EBF4: variants seen among roughly 807,000 people sequenced by gnomAD.
The protein encoded by EBF4 is transcription factor COE4.
A neutral mutation model predicts 67.1 loss-of-function variants in EBF4; 34 were observed. The observed-to-expected ratio is 0.51, with a 90% CI of 0.39 to 0.67. The LOEUF is 0.67. EBF4 is among the 30% of genes least tolerant of loss of function. The pLI is 0.00. For missense variants in EBF4, 837 were observed against 873.3 expected, an observed-to-expected ratio of 0.96 and a Z score of 0.52; for synonymous variants, 387 against 377.7, an observed-to-expected ratio of 1.02 and a Z score of -0.29.
chr20:2,751,587 G>C lies in EBF4; in HGVS notation c.1019-113G>C, dbSNP rs995730747. 2.4e-5 allele frequency: 26 copies of C among 1,071,468 alleles called. No individual in the cohort carries two copies. Among genetic ancestry groups the C allele is most frequent in the Non-Finnish European group, 3.2e-5 (23 of 724,682 alleles). 66.4% of individuals were successfully genotyped at this position (1,071,468 alleles called of 1,614,324 possible). ...ACTTGGGCTGGGCCTGGTGGAGGGG[G>C]CTGCAGCGAGGCTCTCGGACTGGGC... On this transcript the variant is annotated intron_variant, in intron 10 of 16. Coordinates refer to ENST00000609451, the Ensembl canonical transcript of EBF4. The surrounding 1 kb of genome is among the most constrained non-coding windows in gnomAD (Gnocchi z 5.2).
intron 1 of EBF4, among the ~76,000 whole-genome samples, chr20:2,701,370 C>G (rs1228102058): frequency 6.6e-6 from 1 of 152,200 alleles, no homozygotes. Flanking sequence ...CTGTCTTCCC[C>G]CCTCCCAGGT....
chr20:2,755,608 TCCCCGCCCCG>T lies in EBF4; in HGVS notation c.1541-13_1541-4del. 3.6e-6 allele frequency: 2 copies of T among 559,482 alleles called. No homozygotes were observed. The highest frequency in any genetic ancestry group is 1.8e-5 in the South Asian group (1 of 56,836). 34.7% of individuals were successfully genotyped at this position (559,482 alleles called of 1,614,324 possible). On this transcript the variant is annotated splice_polypyrimidine_tract_variant and intron_variant, in intron 14 of 16. Coordinates refer to ENST00000609451, the Ensembl canonical transcript of EBF4. This position sits in a 1 kb window ranked among gnomAD's most constrained non-coding sequence, Gnocchi z 4.7. ...CCACCTTCCCTGCTGCGCCTGCCCC[TCCCCGCCCCG>T]CCCCGGAGTCATGCCCTCTAGCCCC...
At position 2,707,175 on chromosome 20, in the gene EBF4, A is replaced by G. The variant is rs1341197415; in HGVS notation, c.415-772A>G. Among the ~76,000 whole-genome samples, 1 of 152,116 alleles carries G rather than the reference A, an allele frequency of 6.6e-6. No homozygotes were observed. The highest frequency in any genetic ancestry group is 2.1e-4 in the South Asian group (1 of 4,824). On this transcript the variant is annotated intron_variant, in intron 4 of 16. Coordinates refer to ENST00000609451, the Ensembl canonical transcript of EBF4. This position sits in a 1 kb window ranked among gnomAD's most constrained non-coding sequence, Gnocchi z 4.6. Reference sequence around the variant, plus strand: ...AGAATGGTTTGTTTCTAGAATACCCATGGCCACTGGGCTGGGGGAGGCAGG... The same window carrying G: ...AGAATGGTTTGTTTCTAGAATACCCGTGGCCACTGGGCTGGGGGAGGCAGG...
chr20:2,701,791 G>A (rs1011105373), intron 1 of EBF4, among the ~76,000 whole-genome samples: 7 of 152,236 alleles, frequency 4.6e-5, no homozygotes, highest in African/African-American at 1.7e-4. Context: ...AGGGACCTGG[G>A]AGTGCTTCAC....
chr20:2,720,634 G>A (rs998714639), intron 6 of EBF4, among the ~76,000 whole-genome samples: 4 of 151,812 alleles, frequency 2.6e-5, no homozygotes, highest in Admixed American at 6.6e-5. Flanking sequence ...TTATTTTTAC[G>A]TGTTATAAAA....
At chr20:2,728,668 C>G (rs2087775305) in intron 6 of EBF4, among the ~76,000 whole-genome samples, 1 of 152,122 alleles carries the variant, frequency 6.6e-6, no homozygotes, top group Non-Finnish European at 1.5e-5. Context: ...CCTCTGATGG[C>G]CTTTTGTGAT....
chr20:2,750,614 C>T (rs555445515), intron 10 of EBF4, among the ~76,000 whole-genome samples: 5 of 152,168 alleles, frequency 3.3e-5, no homozygotes, highest in Non-Finnish European at 7.4e-5. Flanking sequence ...TCCCCACCAT[C>T]GCGCAGCCCC....
chr20:2,698,396 C>T (rs930357489), intron 1 of EBF4, among the ~76,000 whole-genome samples: 1 of 152,232 alleles, frequency 6.6e-6, no homozygotes, highest in African/African-American at 2.4e-5. Flanking sequence ...TTTTATCTTC[C>T]CCAGTCTGCA....
intron 6 of EBF4, among the ~76,000 whole-genome samples, chr20:2,728,553 C>T (rs577968751): frequency 7.9e-5 from 12 of 152,194 alleles, no homozygotes; most frequent in Non-Finnish European, 1.5e-4. Context: ...CAAGGTGTTC[C>T]TAGGTGACAC....
chr20:2,749,998 A>G (rs2088117237), intron 10 of EBF4, 25 bp downstream of exon 10: 1 of 1,535,140 alleles, frequency 6.5e-7, no homozygotes. Context: ...GGGGGAGTGG[A>G]GGTCTAAGGT....
chr20:2,731,854 T>C (rs1028750403), intron 6 of EBF4, among the ~76,000 whole-genome samples: 1 of 152,180 alleles, frequency 6.6e-6, no homozygotes, highest in African/African-American at 2.4e-5. Flanking sequence ...CGTGAATTCT[T>C]AGGAATAGAG....
intron 6 of EBF4, among the ~76,000 whole-genome samples, chr20:2,717,458 T>A (rs2087625200): frequency 6.6e-6 from 1 of 152,194 alleles, no homozygotes; most frequent in Admixed American, 6.5e-5. Context: ...TTAAGCCAAA[T>A]TGAGAAAGTG....
At position 2,749,563 on chromosome 20, in the gene EBF4, C is replaced by A. The variant is rs1036673826; in HGVS notation, c.757+45C>A. On this transcript the variant is annotated intron_variant, in intron 8 of 16. Coordinates refer to ENST00000609451, the Ensembl canonical transcript of EBF4. The stretch of plus-strand genomic sequence containing the variant: ...CCCCGGCCGCCGCGGGCCCAGCCAG[C>A]CCCCCAGGCCCCACCTCAGCGCGGT... 4 of 1,536,734 alleles carry A rather than the reference C, an allele frequency of 2.6e-6. No individual in the cohort carries two copies. In the South Asian group the frequency reaches 3.6e-5, roughly 14 times the overall value.
rs2087289833 is a variant in EBF4, at chr20:2,696,444, C to G, written c.137+2662C>G. ...CCAAGATCGCACCACTGTACTCCAG[C>G]CTGGGCGGCAGAGTGAAACTGTGCC... is the stretch of plus-strand genomic sequence containing the variant. On this transcript the variant is annotated intron_variant, in intron 1 of 16. Transcript: ENST00000609451. The surrounding 1 kb of genome is among the most constrained non-coding windows in gnomAD (Gnocchi z 4.7). Among the ~76,000 whole-genome samples the G allele has an allele frequency of 6.6e-6, 1 of 151,942 alleles. No homozygotes were observed. Among genetic ancestry groups the G allele is most frequent in the Non-Finnish European group, 1.5e-5 (1 of 67,982 alleles).
intron 6 of EBF4, among the ~76,000 whole-genome samples, chr20:2,738,504 C>T (rs1267378373): frequency 6.6e-6 from 1 of 152,148 alleles, no homozygotes; most frequent in Non-Finnish European, 1.5e-5. Context: ...CATCTGTGTC[C>T]ACACAGGCAC....
intron 6 of EBF4, among the ~76,000 whole-genome samples, chr20:2,732,260 A>G (rs796268333): frequency 3.3e-5 from 5 of 152,216 alleles, no homozygotes; most frequent in African/African-American, 1.2e-4. Context: ...AGCTGGGACT[A>G]CAGGTGCATG....
chr20:2,758,276 A>C (rs2088275110), intron 15 of EBF4, among the ~76,000 whole-genome samples: 1 of 152,280 alleles, frequency 6.6e-6, no homozygotes, highest in South Asian at 2.1e-4. Context: ...AAGACGTCAC[A>C]TGCCCCAGAA....
At chr20:2,716,103 G>T (rs1279817547) in intron 6 of EBF4, among the ~76,000 whole-genome samples, 1 of 151,570 alleles carries the variant, frequency 6.6e-6, no homozygotes, top group Admixed American at 6.6e-5. Flanking sequence ...CATGCCTATA[G>T]TCCCAGTTAC....
intron 6 of EBF4, among the ~76,000 whole-genome samples, chr20:2,718,351 T>C (rs79532151): frequency 6.6e-6 from 1 of 152,228 alleles, no homozygotes; most frequent in Non-Finnish European, 1.5e-5. Context: ...TTTGAAGAGC[T>C]TGTGTGGAAC....
Sources: allele counts gnomAD v4.1 joint callset (sites outside exome capture counted in the v4.1 genomes callset), GRCh38; gene constraint gnomAD v4.1.1; non-coding constraint Gnocchi (gnomAD v3.1); transcripts MANE v1.5; gene names NCBI Gene and HGNC (gene_info 2026-07-23, HGNC 2026-07-21).